PIK3CB: variants seen among roughly 807,000 people sequenced by gnomAD.
PIK3CB encodes the protein phosphatidylinositol 4,5-bisphosphate 3-kinase catalytic subunit beta isoform.
Under a neutral mutation model 136.8 loss-of-function variants are expected in PIK3CB, and 39 were observed. The observed-to-expected ratio is 0.29, with a 90% confidence interval of 0.22 to 0.37. The LOEUF (loss-of-function observed/expected upper bound fraction) is 0.37, where lower values mean the gene tolerates loss of function less well. Ranked by LOEUF, PIK3CB falls within the 10% of genes least tolerant of loss-of-function variation. The pLI is 1.00. For synonymous variants in PIK3CB, 428 were observed against 436.6 expected, an observed-to-expected ratio of 0.98 and a Z score of 0.25; for missense variants, 868 against 1,275.4, an observed-to-expected ratio of 0.68 and a Z score of 4.87.
chr3:138,810,910 A>G (rs1933007296), intron 1 of PIK3CB, among the ~76,000 whole-genome samples: 1 of 149,634 alleles, frequency 6.7e-6, no homozygotes, highest in Admixed American at 6.7e-5. Flanking sequence ...ACAGAGCGAG[A>G]CTCCGTCTCA....
In PIK3CB at chr3:138,705,190, C is replaced by CA. The variant is rs1281520471; in HGVS notation, c.1531-698dup. Among the ~76,000 whole-genome samples, 63 of 53,194 alleles carry CA rather than the reference C, an allele frequency of 1.2e-3. 3 individuals are homozygous for CA. Among genetic ancestry groups the CA allele is most frequent in the South Asian group, 2.3e-3 (3 of 1,294 alleles). 34.9% of individuals were successfully genotyped at this position (53,194 alleles called of 152,430 possible). ...AAAAAAAAACAAAAAACAAAACAAA[C>CA]AAAAAAAAAAACTTATATTTGCAAA... On this transcript the variant is annotated intron_variant, in intron 11 of 23. Transcript: ENST00000674063.
chr3:138,736,041 A>G (rs1179199093), intron 6 of PIK3CB, among the ~76,000 whole-genome samples: 1 of 152,136 alleles, frequency 6.6e-6, no homozygotes, highest in Non-Finnish European at 1.5e-5. Context: ...TTTCTTTATA[A>G]TAATAGAGGA....
chr3:138,686,479 A>T (rs2043895795), intron 16 of PIK3CB, among the ~76,000 whole-genome samples: 1 of 152,084 alleles, frequency 6.6e-6, no homozygotes, highest in African/African-American at 2.4e-5. Context: ...AACAAATAAA[A>T]TTCAACTTTA....
At chr3:138,811,320 GA>G (rs1933038257) in intron 1 of PIK3CB, among the ~76,000 whole-genome samples, 1 of 150,548 alleles carries the variant, frequency 6.6e-6, no homozygotes, top group Non-Finnish European at 1.5e-5. Flanking sequence ...ATTATTGTGG[GA>G]AAAAAATACA....
At chr3:138,809,007 C>T (rs979619129) in intron 1 of PIK3CB, among the ~76,000 whole-genome samples, 7 of 151,848 alleles carry the variant, frequency 4.6e-5, no homozygotes, top group African/African-American at 1.5e-4. Flanking sequence ...AACTTCTGGC[C>T]GGGCACGGTG....
At chr3:138,705,714 G>C (rs920089386) in intron 11 of PIK3CB, among the ~76,000 whole-genome samples, 3 of 152,112 alleles carry the variant, frequency 2.0e-5, no homozygotes, top group African/African-American at 7.2e-5. Flanking sequence ...GTACTCAAGC[G>C]GATTGAGGAA....
chr3:138,769,023 C>T (rs1223795622), intron 2 of PIK3CB, among the ~76,000 whole-genome samples: 3 of 152,144 alleles, frequency 2.0e-5, no homozygotes, highest in Non-Finnish European at 4.4e-5. Context: ...CTGCCTGCTC[C>T]ATGGAGCAGG....
At chr3:138,770,602 CGGG>C (rs1406916395) in intron 2 of PIK3CB, 3 of 150,180 alleles carry the variant, frequency 2.0e-5, no homozygotes, top group Non-Finnish European at 3.0e-5. Context: ...CCCAGCTACT[CGGG>C]AGGGTGAGGC....
intron 5 of PIK3CB, among the ~76,000 whole-genome samples, 160 bp from the exon 6 acceptor site, chr3:138,738,046 A>C (rs1329889153): frequency 6.6e-6 from 1 of 152,200 alleles, no homozygotes; most frequent in Non-Finnish European, 1.5e-5. Flanking sequence ...GAATGTAGAC[A>C]AGTTTACTGA....
chr3:138,692,160 C>T (rs1559818167), intron 14 of PIK3CB, among the ~76,000 whole-genome samples: 1 of 152,162 alleles, frequency 6.6e-6, no homozygotes, highest in Admixed American at 6.5e-5. Flanking sequence ...GAGGCAACTC[C>T]AGCAGTATAA....
At chr3:138,759,912 C>G (rs1189231706) in intron 2 of PIK3CB, among the ~76,000 whole-genome samples, 1 of 151,964 alleles carries the variant, frequency 6.6e-6, no homozygotes, top group African/African-American at 2.4e-5. Flanking sequence ...AGGGCCCTTT[C>G]TCTACAAGGA....
At chr3:138,713,083 A>G (rs1158136568) in intron 9 of PIK3CB, among the ~76,000 whole-genome samples, 2 of 152,112 alleles carry the variant, frequency 1.3e-5, no homozygotes, top group Non-Finnish European at 2.9e-5. Context: ...TTATAATCAA[A>G]CACTTTGAGG....
chr3:138,744,552 G>A (rs919466384), intron 4 of PIK3CB, among the ~76,000 whole-genome samples: 18 of 151,880 alleles, frequency 1.2e-4, no homozygotes, highest in African/African-American at 4.1e-4. Context: ...GGTACAAGGG[G>A]AGGCAGCAGA....
At chr3:138,771,515 G>A (rs756138066) in intron 2 of PIK3CB, among the ~76,000 whole-genome samples, 23 of 152,014 alleles carry the variant, frequency 1.5e-4, no homozygotes, top group Non-Finnish European at 2.6e-4. Context: ...ACCCGCGCCC[G>A]GCCCTAGAAC....
intron 1 of PIK3CB, among the ~76,000 whole-genome samples, chr3:138,815,962 C>T (rs1933308938): frequency 6.6e-6 from 1 of 152,244 alleles, no homozygotes; most frequent in African/African-American, 2.4e-5. Flanking sequence ...CTCACACACA[C>T]ACACTCAGTG....
intron 14 of PIK3CB, 108 bp downstream of exon 14, chr3:138,694,678 G>A: frequency 8.7e-7 from 1 of 1,154,250 alleles, no homozygotes; most frequent in Non-Finnish European, 1.2e-6. Flanking sequence ...TTTGAACTGT[G>A]AATAATTCTG....
intron 2 of PIK3CB, among the ~76,000 whole-genome samples, chr3:138,784,926 A>T (rs1248207919): frequency 3.0e-4 from 43 of 145,716 alleles, no homozygotes; most frequent in African/African-American, 1.1e-3. Flanking sequence ...CCCGGCCGCC[A>T]CCCCGTCTGG....
intron 7 of PIK3CB, among the ~76,000 whole-genome samples, chr3:138,734,274 T>C (rs943539379): frequency 1.3e-5 from 2 of 152,190 alleles, no homozygotes; most frequent in African/African-American, 4.8e-5. Flanking sequence ...GTTAAGCTGA[T>C]AGAAATGAAA....
chr3:138,737,842 T>C lies in PIK3CB; in HGVS notation c.666A>G (p.Lys222=). The C allele has an allele frequency of 6.2e-7, 1 of 1,608,904 alleles. No homozygotes were observed. The highest frequency in any genetic ancestry group is 8.5e-7 in the Non-Finnish European group (1 of 1,177,164). ...GTTTTTGGATTGCCAATTCATTTAC[T>C]TTGATAGGATTCATATTAGGAGACA... ...FQVSPNMNPI[K]VNELAIQKRL... Residue 222 remains lysine (K), a synonymous_variant, in exon 6 of 24, where the codon AAA becomes AAG. Transcript: ENST00000674063.
Sources: allele counts gnomAD v4.1 joint callset (sites outside exome capture counted in the v4.1 genomes callset), GRCh38; gene constraint gnomAD v4.1.1; transcripts MANE v1.5; gene names NCBI Gene and HGNC (gene_info 2026-07-23, HGNC 2026-07-21).